RAB40B: variants seen among roughly 807,000 people sequenced by gnomAD.
RAB40B encodes the protein ras-related protein Rab-40B.
In RAB40B, 21 loss-of-function variants were observed where a neutral mutation model predicts 24.0. That is an observed-to-expected ratio of 0.88 (90% CI 0.62 to 1.26). The LOEUF (loss-of-function observed/expected upper bound fraction) is 1.26. Among genes scored for constraint, RAB40B ranks in the 50% most tolerant of loss-of-function variants. The pLI is 0.00. For synonymous variants in RAB40B, 167 were observed against 169.8 expected (o/e 0.98, Z 0.13); for missense variants, 348 against 390.5 (o/e 0.89, Z 0.92).
At chr17:82,672,936 GT>G (rs557295493) in intron 1 of RAB40B, among the ~76,000 whole-genome samples, 47 of 152,160 alleles carry the variant, frequency 3.1e-4, no homozygotes, top group Non-Finnish European at 5.7e-4. Context: ...AGGCGTGATG[GT>G]TCATGCCTGT....
intron 1 of RAB40B, among the ~76,000 whole-genome samples, chr17:82,685,648 G>T (rs1481964703): frequency 6.6e-6 from 1 of 152,206 alleles, no homozygotes; most frequent in Non-Finnish European, 1.5e-5. Context: ...GGGACCCACA[G>T]GGTCCCTGGG....
chr17:82,676,486 A>G (rs1210768001), intron 1 of RAB40B, among the ~76,000 whole-genome samples: 1 of 61,296 alleles, frequency 1.6e-5, no homozygotes, highest in African/African-American at 6.8e-5. Flanking sequence ...CTCCTCACCC[A>G]CACACCAATT....
At chr17:82,672,938 T>C (rs1354850543) in intron 1 of RAB40B, among the ~76,000 whole-genome samples, 1 of 152,086 alleles carries the variant, frequency 6.6e-6, no homozygotes, top group Non-Finnish European at 1.5e-5. Context: ...GCGTGATGGT[T>C]CATGCCTGTA....
rs2046079549 is a variant in RAB40B, at chr17:82,655,291, C to T, written c.*2572G>A. 1 of 152,224 alleles carries T rather than the reference C, an allele frequency of 6.6e-6. No homozygotes were observed. The allele number at this position is 152,224 out of a possible 1,614,324, so 9.4% of individuals were successfully genotyped here. On this transcript the variant is annotated 3_prime_UTR_variant, in exon 6 of 6. Coordinates refer to ENST00000571995, the MANE Select transcript of RAB40B (RefSeq NM_006822.3). Reference sequence around the variant, plus strand: ...AGCCTCCTTGCTACATGTTCCGCTTCTGGGGACTTCTGGTGGTGTTTCCCT... The same window carrying T: ...AGCCTCCTTGCTACATGTTCCGCTTTTGGGGACTTCTGGTGGTGTTTCCCT...
intron 1 of RAB40B, among the ~76,000 whole-genome samples, chr17:82,682,866 C>T (rs2264374): frequency 0.61 from 92,347 of 152,062 alleles, 28,983 homozygotes; most frequent in Admixed American, 0.74. Flanking sequence ...CGAACCCGGC[C>T]GGGCACGGTG....
At chr17:82,662,611 C>T (rs1262513208) in intron 2 of RAB40B, 8 of 985,178 alleles carry the variant, frequency 8.1e-6, no homozygotes, top group East Asian at 1.1e-4. Flanking sequence ...CCGGGGTCCA[C>T]GGTGGGAGTG....
chr17:82,655,415 G>A lies in RAB40B; in HGVS notation c.*2448C>T, dbSNP rs1272128288. 2.0e-5 allele frequency: 3 copies of A among 152,138 alleles called. No individual in the cohort carries two copies. Among genetic ancestry groups the A allele is most frequent in the Admixed American group, 6.6e-5 (1 of 15,266 alleles). The allele number at this position is 152,138 out of a possible 1,614,324, so 9.4% of individuals were successfully genotyped here. The stretch of plus-strand genomic sequence containing the variant: ...GGAAACTTTATTTTATTCTTTCTAG[G>A]ACATTATCAGTAGTCCCGAGGAGAC... On this transcript the variant is annotated 3_prime_UTR_variant, in exon 6 of 6. Transcript: ENST00000571995.
At chr17:82,681,853 AG>A (rs1421044503) in intron 1 of RAB40B, among the ~76,000 whole-genome samples, 1 of 152,174 alleles carries the variant, frequency 6.6e-6, no homozygotes, top group Non-Finnish European at 1.5e-5. Flanking sequence ...TCAGCAAACT[AG>A]GAATACAATT....
chr17:82,665,386 G>A (rs549465368), intron 1 of RAB40B, among the ~76,000 whole-genome samples: 11 of 152,140 alleles, frequency 7.2e-5, no homozygotes, highest in South Asian at 2.1e-4. Context: ...CTGAGTAGCC[G>A]GGACTACGGG....
Position 82,657,675 on chromosome 17 carries a change from C to T in RAB40B, c.*188G>A. 1 of 752,420 alleles carries T rather than the reference C, an allele frequency of 1.3e-6. No individual in the cohort carries two copies. The allele number at this position is 752,420 out of a possible 1,614,324, so 46.6% of individuals were successfully genotyped here. ...AAACACACATCGAAAACAAGAGCTT[C>T]ATGCACATCCACGTAGAAATTCGAA... is the stretch of plus-strand genomic sequence containing the variant. On this transcript the variant is annotated 3_prime_UTR_variant, in exon 6 of 6. Coordinates refer to ENST00000571995, the MANE Select transcript of RAB40B (RefSeq NM_006822.3).
intron 2 of RAB40B, chr17:82,662,730 C>T: frequency 1.0e-6 from 1 of 985,358 alleles, no homozygotes; most frequent in Non-Finnish European, 1.2e-6. Flanking sequence ...CAGAAGCCCC[C>T]TGGGATCTCA....
chr17:82,698,547 A>G lies in RAB40B; in HGVS notation c.50T>C (p.Phe17Ser). The G allele has an allele frequency of 6.6e-7, 1 of 1,524,600 alleles. No individual in the cohort carries two copies. 94.4% of individuals were successfully genotyped at this position (1,524,600 alleles called of 1,614,324 possible). A position where few individuals can be genotyped will look rare whatever the true frequency, so the allele number is the denominator to read the frequency against. The change falls in exon 1 of 6, where the codon TTC (phenylalanine) becomes TCC (serine). Residue 17 changes from phenylalanine (F) to serine (S), a missense_variant. Phe to Ser is a radical substitution (Grantham distance 155). Around this residue, in one of 3 missense-constraint regions of RAB40B, gnomAD observed 101 missense variants for 85.5 expected, o/e 1.18. Transcript: ENST00000571995. ...CACGTCGCTGTCGCCCACCAGCAGG[A>G]ACTTGAGCAGAAAGTCGTAGGCCCG... ...PVRAYDFLLK[F>S]LLVGDSDVGK...
At chr17:82,672,958 C>T (rs1351834835) in intron 1 of RAB40B, among the ~76,000 whole-genome samples, 1 of 152,126 alleles carries the variant, frequency 6.6e-6, no homozygotes, top group Non-Finnish European at 1.5e-5. Context: ...AATCCCAGCA[C>T]TTTGGGAGGT....
intron 1 of RAB40B, among the ~76,000 whole-genome samples, chr17:82,689,185 G>A (rs993762839): frequency 6.6e-6 from 1 of 152,246 alleles, no homozygotes; most frequent in Non-Finnish European, 1.5e-5. Context: ...CACTCCAAAT[G>A]CACCCAGCGC....
At chr17:82,673,796 G>T (rs1231442651) in intron 1 of RAB40B, among the ~76,000 whole-genome samples, 4 of 152,076 alleles carry the variant, frequency 2.6e-5, no homozygotes, top group Non-Finnish European at 5.9e-5. Context: ...TTTCAATCTG[G>T]AGACACAAAT....
In RAB40B at chr17:82,658,574, A is replaced by T; in HGVS notation, c.482T>A (p.Phe161Tyr). Residue 161 changes from phenylalanine to tyrosine, a missense_variant, in exon 5 of 6, where the codon TTC (phenylalanine) becomes TAC (tyrosine). Coordinates refer to ENST00000571995, the MANE Select transcript of RAB40B (RefSeq NM_006822.3). ...CTCCGTGAACGACTCTGTGATGTTGAAATTGCACAGAGGGCTGACCTCAAA... is the reference window on the plus strand; with the variant it reads ...CTCCGTGAACGACTCTGTGATGTTGTAATTGCACAGAGGGCTGACCTCAAA... ...TFFEVSPLCN[F>Y]NITESFTELA... 1.2e-6 allele frequency: 2 copies of T among 1,613,438 alleles called. No homozygotes were observed. The highest frequency in any genetic ancestry group is 2.2e-5 in the South Asian group (2 of 91,088).
intron 5 of RAB40B, 49 bp from the exon 6 acceptor site, chr17:82,658,183 C>A: frequency 6.3e-7 from 1 of 1,580,918 alleles, no homozygotes; most frequent in Non-Finnish European, 8.6e-7. Context: ...CCCACCTGGG[C>A]TGGGAATGAG....
At chr17:82,688,537 A>G (rs1480728638) in intron 1 of RAB40B, among the ~76,000 whole-genome samples, 1 of 152,012 alleles carries the variant, frequency 6.6e-6, no homozygotes, top group Non-Finnish European at 1.5e-5. Context: ...AAGTGCTTGA[A>G]GCCGGGAGGC....
rs139324874 is a variant in RAB40B at position 82,682,772 on chromosome 17, T to C, written c.142+15683A>G. 8.9e-3 allele frequency among the ~76,000 whole-genome samples: 1,352 copies of C among 152,314 alleles called. 26 individuals carry two copies. Among genetic ancestry groups the C allele is most frequent in the African/African-American group, 0.031 (1,283 of 41,560 alleles). On this transcript the variant is annotated intron_variant, in intron 1 of 5. Coordinates refer to ENST00000571995, the MANE Select transcript of RAB40B (RefSeq NM_006822.3). ...AAGGCCATACAATAAAGAATAGTCTTTTCAACAAATGCTGCTGGAACAATT... is the reference window on the plus strand; with the variant it reads ...AAGGCCATACAATAAAGAATAGTCTCTTCAACAAATGCTGCTGGAACAATT...
Sources: allele counts gnomAD v4.1 joint callset (sites outside exome capture counted in the v4.1 genomes callset), GRCh38; gene constraint gnomAD v4.1.1; regional missense constraint gnomAD v4.1.1; transcripts MANE v1.5; gene names NCBI Gene and HGNC (gene_info 2026-07-23, HGNC 2026-07-21).